Variants in DLGAP1 observed in about 807,000 individuals in gnomAD.
DLGAP1 encodes DLG associated protein 1, also known as disks large-associated protein 1.
In DLGAP1, 11 loss-of-function variants were observed where a neutral mutation model predicts 90.8. The ratio of observed to expected loss-of-function variants is 0.12; its 90% confidence interval spans 0.08 to 0.20. DLGAP1 has a LOEUF of 0.20. Ranked by LOEUF, DLGAP1 falls within the 10% of genes least tolerant of loss-of-function variation. The pLI is 1.00. For missense variants in DLGAP1, 1,050 were observed against 1,333.8 expected (o/e 0.79, Z 3.31); for synonymous variants, 558 against 540.7 (o/e 1.03, Z -0.44).
intron 9 of DLGAP1, among the ~76,000 whole-genome samples, chr18:3,534,972 G>A (rs1179295194): frequency 1.3e-5 from 2 of 151,970 alleles, no homozygotes; most frequent in Admixed American, 6.6e-5. Context: ...GATTACAGGT[G>A]TGAGCCACCG....
At chr18:4,109,582 T>G (rs1854226646) in intron 2 of DLGAP1, among the ~76,000 whole-genome samples, 1 of 152,114 alleles carries the variant, frequency 6.6e-6, no homozygotes, top group South Asian at 2.1e-4. Flanking sequence ...GGAAGGTTCT[T>G]TCCAACTTGA....
chr18:4,333,863 G>A (rs1023897386), intron 1 of DLGAP1, among the ~76,000 whole-genome samples: 2 of 151,132 alleles, frequency 1.3e-5, no homozygotes, highest in Admixed American at 1.3e-4. Flanking sequence ...GCCTCCCAAA[G>A]TGCCGGGACC....
At chr18:4,226,977 T>C (rs1483482215) in intron 1 of DLGAP1, among the ~76,000 whole-genome samples, 1 of 151,592 alleles carries the variant, frequency 6.6e-6, no homozygotes, top group Non-Finnish European at 1.5e-5. Context: ...ACTTCACCTA[T>C]AAAGAAATAT....
At position 4,275,852 on chromosome 18, in the gene DLGAP1, T is replaced by C. The variant is rs575723515; in HGVS notation, c.-266-124565A>G. 6.6e-5 allele frequency among the ~76,000 whole-genome samples: 10 copies of C among 152,298 alleles called. No individual in the cohort carries two copies. In the East Asian group the frequency reaches 1.9e-3, roughly 29 times the overall value. ...ACATATTTATTCTGAAGAAATAAAG[T>C]CTTATGAAAATATAACAAAGAAAAT... On this transcript the variant is annotated intron_variant, in intron 1 of 12. Transcript: ENST00000315677.
Position 3,874,082 on chromosome 18 carries a change from T to C in DLGAP1, c.957+5030A>G, listed in dbSNP as rs1016433904. On this transcript the variant is annotated intron_variant, in intron 4 of 12. Transcript: ENST00000315677. ...CACAAATACTACCCCTTCCTTTCCCTACCACAAAAACCATCCAAATCAACA... is the reference window on the plus strand; with the variant it reads ...CACAAATACTACCCCTTCCTTTCCCCACCACAAAAACCATCCAAATCAACA... The C allele has an allele frequency of 1.0e-5, 16 of 1,542,476 alleles. No homozygotes were observed. In the Admixed American group the frequency reaches 1.6e-4, roughly 15 times the overall value.
chr18:4,265,663 CCCTT>C (rs551164051), intron 1 of DLGAP1, among the ~76,000 whole-genome samples: 3,313 of 54,126 alleles, frequency 0.061, 172 homozygotes, highest in South Asian at 0.082. Flanking sequence ...CTCCCTCCCT[CCCTT>C]CCTTCCTTCC....
intron 7 of DLGAP1, among the ~76,000 whole-genome samples, chr18:3,596,349 G>A (rs1224649554): frequency 6.6e-6 from 1 of 151,880 alleles, no homozygotes; most frequent in African/African-American, 2.4e-5. Context: ...TAATAGAGAC[G>A]GGGTTTCACC....
chr18:3,588,185 C>A (rs370763348), intron 7 of DLGAP1, among the ~76,000 whole-genome samples: 1 of 152,176 alleles, frequency 6.6e-6, no homozygotes. Flanking sequence ...TGGGGCCGGG[C>A]GCTGTGGCTC....
At position 3,823,587 on chromosome 18, in the gene DLGAP1, T is replaced by C. The variant is rs140214213; in HGVS notation, c.958-9314A>G. ...TGCTGTCTATAAGAGTTTCAAAACT[T>C]TGTTATAGTAATTTTCTATTAAACC... On this transcript the variant is annotated intron_variant, in intron 4 of 12. Transcript: ENST00000315677. Among the ~76,000 whole-genome samples the C allele has an allele frequency of 4.8e-3, 736 of 152,262 alleles. 12 individuals carry two copies. Among genetic ancestry groups the C allele is most frequent in the African/African-American group, 0.017 (710 of 41,542 alleles).
intron 7 of DLGAP1, among the ~76,000 whole-genome samples, chr18:3,664,818 T>C (rs1480967621): frequency 1.3e-5 from 2 of 152,202 alleles, no homozygotes; most frequent in African/African-American, 4.8e-5. Context: ...AGAATAAATA[T>C]TTGTTAAGAA....
At chr18:4,040,117 A>AGAGGCT (rs1248799703) in intron 2 of DLGAP1, among the ~76,000 whole-genome samples, 2 of 152,168 alleles carry the variant, frequency 1.3e-5, no homozygotes, top group African/African-American at 4.8e-5. Flanking sequence ...CTGTAGCCTA[A>AGAGGCT]TGGTTAAGAG....
At chr18:3,618,828 A>C (rs2057984629) in intron 7 of DLGAP1, among the ~76,000 whole-genome samples, 1 of 149,434 alleles carries the variant, frequency 6.7e-6, no homozygotes, top group Non-Finnish European at 1.5e-5. Context: ...AGTCCCAGCT[A>C]CTCGGGATGC....
intron 11 of DLGAP1, among the ~76,000 whole-genome samples, chr18:3,507,859 C>T (rs2050328974): frequency 6.6e-6 from 1 of 151,448 alleles, no homozygotes; most frequent in East Asian, 2.0e-4. Context: ...GCCTCAGCCT[C>T]CTGAGTAGCT....
chr18:3,720,888 C>CCA (rs1441095000), intron 7 of DLGAP1, among the ~76,000 whole-genome samples: 3 of 50,308 alleles, frequency 6.0e-5, no homozygotes, highest in African/African-American at 2.4e-4. Context: ...CTTGTCTCTA[C>CCA]AAAAAAAAAA....
chr18:4,214,699 G>A (rs937506472), intron 1 of DLGAP1, among the ~76,000 whole-genome samples: 36 of 152,130 alleles, frequency 2.4e-4, no homozygotes, highest in Admixed American at 1.7e-3. Flanking sequence ...TCTTTTAAAT[G>A]TTGACCACTA....
chr18:4,450,603 A>G (rs1289347990), intron 1 of DLGAP1, among the ~76,000 whole-genome samples: 2 of 152,214 alleles, frequency 1.3e-5, no homozygotes, highest in African/African-American at 2.4e-5. Context: ...ATGCTTATCC[A>G]TGGCTTCAGT....
intron 1 of DLGAP1, among the ~76,000 whole-genome samples, chr18:4,289,647 A>C (rs1252381469): frequency 6.6e-6 from 1 of 152,184 alleles, no homozygotes; most frequent in Non-Finnish European, 1.5e-5. Context: ...AAAGAAAGAA[A>C]ACTTTTTTTC....
chr18:4,066,327 A>G (rs2075369339), intron 2 of DLGAP1, among the ~76,000 whole-genome samples: 1 of 152,200 alleles, frequency 6.6e-6, no homozygotes, highest in South Asian at 2.1e-4. Context: ...TAATTAAACT[A>G]GAGAGCTTCT....
rs185367182 is a variant in DLGAP1 at position 4,358,852 on chromosome 18, C to G, written c.-267+96154G>C. 1.7e-4 allele frequency among the ~76,000 whole-genome samples: 26 copies of G among 152,336 alleles called. No individual in the cohort carries two copies. In the Middle Eastern group the frequency reaches 0.014, roughly 80 times the overall value. Reference sequence around the variant, plus strand: ...TGGGTCAGTTCATCTAATTCTGGTGCAGCAGCAGGAAGCCCAGGCTGGCAC... The same window carrying G: ...TGGGTCAGTTCATCTAATTCTGGTGGAGCAGCAGGAAGCCCAGGCTGGCAC... On this transcript the variant is annotated intron_variant, in intron 1 of 12. Transcript: ENST00000315677.
Sources: allele counts gnomAD v4.1 joint callset (sites outside exome capture counted in the v4.1 genomes callset), GRCh38; gene constraint gnomAD v4.1.1; transcripts MANE v1.5; gene names NCBI Gene and HGNC (gene_info 2026-07-23, HGNC 2026-07-21).